NELL1: variants seen among roughly 807,000 people sequenced by gnomAD.
The protein encoded by NELL1 is neural EGFL like 1.
In NELL1, 76 loss-of-function variants were observed where a neutral mutation model predicts 107.4. That is an observed-to-expected ratio of 0.71 (90% CI 0.59 to 0.86). NELL1 has a LOEUF of 0.86. Among genes scored for constraint, NELL1 ranks in the 40% least tolerant of loss-of-function variants. NELL1 has a pLI of 0.00. For synonymous variants in NELL1, 353 were observed against 341.2 expected (o/e 1.03, Z -0.38); for missense variants, 1,024 against 1,005.5 (o/e 1.02, Z -0.25).
chr11:20,910,426 A>C (rs1190726784), intron 5 of NELL1, among the ~76,000 whole-genome samples: 1 of 152,182 alleles, frequency 6.6e-6, no homozygotes. Flanking sequence ...ATGGGGAATC[A>C]ATTTGCAATC....
chr11:21,319,643 G>A (rs2133663008), intron 14 of NELL1, among the ~76,000 whole-genome samples: 1 of 151,070 alleles, frequency 6.6e-6, no homozygotes, highest in African/African-American at 2.4e-5. Flanking sequence ...CGCCCAGCCG[G>A]AAACTATTCA....
intron 15 of NELL1, among the ~76,000 whole-genome samples, chr11:21,424,126 AAAAAT>A (rs1351413303): frequency 2.0e-5 from 3 of 152,310 alleles, no homozygotes; most frequent in Non-Finnish European, 2.9e-5. Context: ...AGATTAGAGC[AAAAAT>A]AAAATAAAGA....
chr11:21,312,774 G>T (rs1234436639), intron 14 of NELL1, among the ~76,000 whole-genome samples: 1 of 152,084 alleles, frequency 6.6e-6, no homozygotes, highest in Non-Finnish European at 1.5e-5. Flanking sequence ...AGACAGGAAT[G>T]GATAAAAAAC....
chr11:21,181,070 C>T (rs926754812), intron 13 of NELL1, among the ~76,000 whole-genome samples: 1 of 151,796 alleles, frequency 6.6e-6, no homozygotes, highest in African/African-American at 2.4e-5. Context: ...GAACTGGATA[C>T]TCTTGCTCTC....
intron 14 of NELL1, among the ~76,000 whole-genome samples, chr11:21,241,634 T>G (rs776393943): frequency 6.6e-6 from 1 of 152,134 alleles, no homozygotes; most frequent in African/African-American, 2.4e-5. Context: ...GTGCTAACTG[T>G]AGTCTTTCTG....
At chr11:21,154,426 C>T (rs1856186220) in intron 13 of NELL1, among the ~76,000 whole-genome samples, 1 of 152,028 alleles carries the variant, frequency 6.6e-6, no homozygotes, top group African/African-American at 2.4e-5. Flanking sequence ...CTGTGAAATC[C>T]AATTCCATTC....
rs565784388 is a variant in NELL1, at chr11:20,966,440, C to A, written c.1300+5880C>A. 4.8e-4 allele frequency among the ~76,000 whole-genome samples: 73 copies of A among 152,204 alleles called. 1 individual carries two copies. Among genetic ancestry groups the A allele is most frequent in the African/African-American group, 1.7e-3 (70 of 41,540 alleles). On this transcript the variant is annotated intron_variant, in intron 12 of 19. Coordinates refer to ENST00000357134, the MANE Select transcript of NELL1 (RefSeq NM_006157.5). ...TCAAACCATAGTAGAGATCAAAAGCCTCTTCTGATTGGTCATTGTCAGCAA... is the reference window on the plus strand; with the variant it reads ...TCAAACCATAGTAGAGATCAAAAGCATCTTCTGATTGGTCATTGTCAGCAA...
intron 14 of NELL1, among the ~76,000 whole-genome samples, chr11:21,288,002 AAAG>A (rs1161027817): frequency 1.3e-5 from 2 of 151,842 alleles, no homozygotes; most frequent in Non-Finnish European, 2.9e-5. Context: ...GGAAGGAAGA[AAAG>A]AAATAAGGGA....
At chr11:20,964,037 CT>C (rs1432021137) in intron 12 of NELL1, among the ~76,000 whole-genome samples, 1 of 152,118 alleles carries the variant, frequency 6.6e-6, no homozygotes, top group Non-Finnish European at 1.5e-5. Context: ...ATAATAAGAC[CT>C]TTTGTCAGCT....
chr11:21,062,867 G>T (rs1428621705), intron 12 of NELL1, among the ~76,000 whole-genome samples: 1 of 151,642 alleles, frequency 6.6e-6, no homozygotes, highest in African/African-American at 2.4e-5. Context: ...TCACTCTGTC[G>T]CCCAGACTGG....
chr11:21,339,510 T>C (rs2133700418), intron 14 of NELL1, among the ~76,000 whole-genome samples: 1 of 152,330 alleles, frequency 6.6e-6, no homozygotes, highest in Non-Finnish European at 1.5e-5. Flanking sequence ...ATACACTCAC[T>C]ATAGCTAACT....
intron 17 of NELL1, among the ~76,000 whole-genome samples, chr11:21,570,456 T>G (rs559162913): frequency 2.2e-4 from 33 of 152,026 alleles, no homozygotes; most frequent in African/African-American, 7.7e-4. Context: ...ATATATGCAT[T>G]TTTAGCTGCT....
At chr11:21,391,836 G>A (rs1851885016) in intron 15 of NELL1, among the ~76,000 whole-genome samples, 1 of 151,604 alleles carries the variant, frequency 6.6e-6, no homozygotes, top group African/African-American at 2.4e-5. Context: ...GTAGTCCTTG[G>A]TTATCTGCTG....
intron 3 of NELL1, among the ~76,000 whole-genome samples, chr11:20,822,546 C>T (rs895667339): frequency 3.3e-5 from 5 of 152,120 alleles, no homozygotes; most frequent in Admixed American, 6.5e-5. Context: ...GGGTGAAACA[C>T]CTCAGAGATG....
chr11:21,288,294 C>T (rs1590807025), intron 14 of NELL1, among the ~76,000 whole-genome samples: 1 of 152,216 alleles, frequency 6.6e-6, no homozygotes, highest in African/African-American at 2.4e-5. Flanking sequence ...CTAAAGCCCT[C>T]AAGTCAGTAA....
chr11:21,497,477 T>C (rs1855013191), intron 15 of NELL1, among the ~76,000 whole-genome samples: 1 of 152,164 alleles, frequency 6.6e-6, no homozygotes, highest in Non-Finnish European at 1.5e-5. Context: ...ATTAAGAAAG[T>C]CTTTCTTAAT....
intron 2 of NELL1, among the ~76,000 whole-genome samples, chr11:20,765,599 T>C (rs1299419594): frequency 6.6e-6 from 1 of 152,084 alleles, no homozygotes; most frequent in Non-Finnish European, 1.5e-5. Context: ...GGCGAAAGTG[T>C]GTTTCAGGCA....
At chr11:20,800,998 A>T (rs1857271107) in intron 3 of NELL1, among the ~76,000 whole-genome samples, 1 of 152,120 alleles carries the variant, frequency 6.6e-6, no homozygotes, top group South Asian at 2.1e-4. Context: ...TTGAAAATTG[A>T]AGTGATTTGG....
At chr11:21,490,550 T>C (rs1854777810) in intron 15 of NELL1, among the ~76,000 whole-genome samples, 1 of 147,666 alleles carries the variant, frequency 6.8e-6, no homozygotes, top group African/African-American at 2.5e-5. Context: ...CTTCAAAATA[T>C]ATTACAAGGC....
Sources: gnomAD v4.1 joint callset for allele counts (sites outside exome capture counted in the v4.1 genomes callset) on GRCh38, gnomAD v4.1.1 for gene constraint, MANE v1.5 for transcripts, NCBI Gene and HGNC (gene_info 2026-07-23, HGNC 2026-07-21) for gene names.